Variants in NCKAP1L observed in about 807,000 individuals in gnomAD.
NCKAP1L encodes the protein nck-associated protein 1-like.
In NCKAP1L, 53 loss-of-function variants were observed where a neutral mutation model predicts 139.2. The ratio of observed to expected loss-of-function variants is 0.38; its 90% CI spans 0.31 to 0.48. The LOEUF (loss-of-function observed/expected upper bound fraction) is 0.48. Among genes scored for constraint, NCKAP1L ranks in the 20% least tolerant of loss-of-function variants. The pLI, the probability that NCKAP1L is intolerant of heterozygous loss-of-function variation, is 0.98. For missense variants in NCKAP1L, 1,151 were observed against 1,381.9 expected, an observed-to-expected ratio of 0.83 and a Z score of 2.65; for synonymous variants, 468 against 499.7, an observed-to-expected ratio of 0.94 and a Z score of 0.85.
At position 54,518,974 on chromosome 12, in the gene NCKAP1L, T is replaced by TAATG. The variant is rs987402591; in HGVS notation, c.1479+4_1479+7dup. On this transcript the variant is annotated splice_region_variant and intron_variant, in intron 15 of 30. Coordinates refer to ENST00000293373, the MANE Select transcript of NCKAP1L (RefSeq NM_005337.5). ...AGGCTGGACTGGTTCCGCCTACAGGTAATGATCTGTTCCTGTTAAAGATTC... is the reference window on the plus strand; with the variant it reads ...AGGCTGGACTGGTTCCGCCTACAGGTAATGAATGATCTGTTCCTGTTAAAGATTC... 1 of 1,611,550 alleles carries TAATG rather than the reference T, an allele frequency of 6.2e-7. No individual in the cohort carries two copies. Among genetic ancestry groups the TAATG allele is most frequent in the African/African-American group, 1.3e-5 (1 of 74,986 alleles).
Position 54,516,162 on chromosome 12 carries a change from T to A in NCKAP1L, c.942-77T>A. The A allele has an allele frequency of 2.0e-6, 3 of 1,499,196 alleles. No homozygotes were observed. The South Asian group carries it at 3.4e-5, about 17-fold the overall frequency. The allele number at this position is 1,499,196 out of a possible 1,614,324, so 92.9% of individuals were successfully genotyped here. A position where few individuals can be genotyped will look rare whatever the true frequency, so the allele number is the denominator to read the frequency against. ...TCCCACCAGGGTATAGGCTGGACTCTCTGAGGACTGGGAAGGTGAGGCAAG... is the reference window on the plus strand; with the variant it reads ...TCCCACCAGGGTATAGGCTGGACTCACTGAGGACTGGGAAGGTGAGGCAAG... On this transcript the variant is annotated intron_variant, in intron 9 of 30. Transcript: ENST00000293373.
At chr12:54,528,175 G>A (rs1438655079) in intron 21 of NCKAP1L, 72 bp from the exon 22 acceptor site, 8 of 1,549,710 alleles carry the variant, frequency 5.2e-6, no homozygotes, top group Non-Finnish European at 6.1e-6. Context: ...TGAGCTCAGT[G>A]GTAGTAGTAG....
intron 5 of NCKAP1L, 137 bp downstream of exon 5, chr12:54,508,668 G>A (rs1268187081): frequency 2.3e-6 from 2 of 882,772 alleles, no homozygotes; most frequent in East Asian, 2.5e-5. Flanking sequence ...GGCAAAATAA[G>A]GTACACTTTT....
intron 30 of NCKAP1L, among the ~76,000 whole-genome samples, chr12:54,541,456 G>A (rs1047539486): frequency 4.6e-5 from 7 of 152,182 alleles, no homozygotes; most frequent in Admixed American, 1.3e-4. Flanking sequence ...GCACCTTGGA[G>A]AAGACAGCTC....
intron 15 of NCKAP1L, 97 bp downstream of exon 15, chr12:54,519,069 G>A: frequency 6.4e-7 from 1 of 1,554,698 alleles, no homozygotes; most frequent in East Asian, 2.3e-5. Flanking sequence ...TATGGAGTGA[G>A]TCAACTTTGA....
intron 11 of NCKAP1L, among the ~76,000 whole-genome samples, 158 bp downstream of exon 11, chr12:54,517,150 T>A (rs1956939895): frequency 6.6e-6 from 1 of 152,222 alleles, no homozygotes; most frequent in African/African-American, 2.4e-5. Context: ...CCCAAAACCT[T>A]TTGTATCTCT....
chr12:54,504,874 C>T (rs118076193), intron 3 of NCKAP1L, among the ~76,000 whole-genome samples: 1,780 of 152,312 alleles, frequency 0.012, 14 homozygotes, highest in Middle Eastern at 0.02. Context: ...ATTTCCGTTC[C>T]CTTCTGATTC....
Position 54,512,122 on chromosome 12 carries a change from C to T in NCKAP1L, c.941+17C>T, listed in dbSNP as rs1173971779. 4 of 1,612,190 alleles carry T rather than the reference C, an allele frequency of 2.5e-6. No individual in the cohort carries two copies. In the South Asian group the frequency reaches 4.4e-5, roughly 18 times the overall value. On this transcript the variant is annotated intron_variant, in intron 9 of 30. Coordinates refer to ENST00000293373, the MANE Select transcript of NCKAP1L (RefSeq NM_005337.5). The stretch of plus-strand genomic sequence containing the variant: ...TTTGAAAGGGTGAGAGACACGAGAG[C>T]CAAACTGATCTTCCTTGAATAGTTT...
rs773675331 is a variant in NCKAP1L at position 54,507,876 on chromosome 12, C to T, written c.330C>T (p.Asn110=). 2.5e-6 allele frequency: 4 copies of T among 1,613,958 alleles called. No homozygotes were observed. The highest frequency in any genetic ancestry group is 4.5e-5 in the East Asian group (2 of 44,882). ...AGGATCATGTATATGAACTTCTCAACACCATTGATGCCTGCCAGTGCCATT... is the reference window on the plus strand; with the variant it reads ...AGGATCATGTATATGAACTTCTCAATACCATTGATGCCTGCCAGTGCCATT... ...EFRDHVYELL[N]TIDACQCHFD... is the part of the protein sequence containing the mutation. The change falls in exon 4 of 31, where the codon AAC becomes AAT. Residue 110 remains asparagine, a synonymous_variant. Coordinates refer to ENST00000293373, the MANE Select transcript of NCKAP1L (RefSeq NM_005337.5).
chr12:54,517,622 A>G lies in NCKAP1L; in HGVS notation c.1185A>G (p.Thr395=), dbSNP rs1956944359. 1 of 1,613,298 alleles carries G rather than the reference A, an allele frequency of 6.2e-7. No individual in the cohort carries two copies. Among genetic ancestry groups the G allele is most frequent in the East Asian group, 2.2e-5 (1 of 44,882 alleles). Residue 395 remains threonine (T), a synonymous_variant, in exon 12 of 31, where the codon ACA becomes ACG. Transcript: ENST00000293373. ...CAGAGAATGTCACCAAGACAAAGAC[A>G]CCTGAGGACTATGCTGACTCGTTAG... ...RHTENVTKTK[T]PEDYADSSIA... is the part of the protein sequence containing the mutation.
rs1957179426 is a variant in NCKAP1L, at chr12:54,543,978, T to C, written c.*1293T>C. 2 of 152,354 alleles carry C rather than the reference T, an allele frequency of 1.3e-5. No homozygotes were observed. The highest frequency in any genetic ancestry group is 3.4e-3 in the Middle Eastern group (1 of 294). The allele number at this position is 152,354 out of a possible 1,614,324, so 9.4% of individuals were successfully genotyped here. On this transcript the variant is annotated 3_prime_UTR_variant, in exon 31 of 31. Transcript: ENST00000293373. The stretch of plus-strand genomic sequence containing the variant: ...GTTTTCAGCAAAAACGATTCAGCCT[T>C]CCTGAAGCCTATTTGATAGCTGTTT...
At chr12:54,515,484 G>A (rs1184073131) in intron 9 of NCKAP1L, among the ~76,000 whole-genome samples, 2 of 152,164 alleles carry the variant, frequency 1.3e-5, no homozygotes, top group Non-Finnish European at 2.9e-5. Context: ...CAATGAAAAG[G>A]CCTTCTAATT....
rs556925158 is a variant in NCKAP1L at position 54,535,269 on chromosome 12, A to G, written c.2956+72A>G. ...CCTTATTTTGGGTGAAAAAATGTCA[A>G]TGTCAAAGAAGCCTTTATTTGAGAT... On this transcript the variant is annotated intron_variant, in intron 27 of 30. Coordinates refer to ENST00000293373, the MANE Select transcript of NCKAP1L (RefSeq NM_005337.5). The G allele has an allele frequency of 3.4e-4, 385 of 1,134,294 alleles. 5 individuals are homozygous for G. The South Asian group carries it at 4.5e-3, about 13-fold the overall frequency. The allele number at this position is 1,134,294 out of a possible 1,614,324, so 70.3% of individuals were successfully genotyped here.
At chr12:54,531,184 A>G in intron 22 of NCKAP1L, 76 bp from the exon 23 acceptor site, 1 of 1,118,042 alleles carries the variant, frequency 8.9e-7, no homozygotes, top group Non-Finnish European at 1.3e-6. Flanking sequence ...TAAATATTCA[A>G]ATTACCCTAT....
Position 54,523,846 on chromosome 12 carries a change from C to T in NCKAP1L, c.2046C>T (p.Asn682=), listed in dbSNP as rs1362214652. 2 of 1,614,040 alleles carry T rather than the reference C, an allele frequency of 1.2e-6. No homozygotes were observed. Among genetic ancestry groups the T allele is most frequent in the Admixed American group, 1.7e-5 (1 of 60,012 alleles). Residue 682 remains asparagine (N), a synonymous_variant, in exon 20 of 31, where the codon AAC becomes AAT. Coordinates refer to ENST00000293373, the MANE Select transcript of NCKAP1L (RefSeq NM_005337.5). ...IVTNMDKLHL[N]LTELALTMNH... Reference sequence around the variant, plus strand: ...CTAGCATGGACAAGCTACACCTAAACTTGACAGAACTGGCACTGACAATGA... The same window carrying T: ...CTAGCATGGACAAGCTACACCTAAATTTGACAGAACTGGCACTGACAATGA...
intron 21 of NCKAP1L, among the ~76,000 whole-genome samples, 194 bp from the exon 22 acceptor site, chr12:54,528,053 C>G (rs1276690218): frequency 6.6e-6 from 1 of 152,150 alleles, no homozygotes; most frequent in Non-Finnish European, 1.5e-5. Context: ...AAGTGGAATT[C>G]CAGTACTGCC....
chr12:54,499,512 G>C (rs1421311097), intron 2 of NCKAP1L, 47 bp downstream of exon 2: 3 of 1,125,112 alleles, frequency 2.7e-6, no homozygotes, highest in South Asian at 1.2e-5. Context: ...TTCTCTGCTT[G>C]AATGGCTGAA....
rs1260011490 is a variant in NCKAP1L, at chr12:54,500,618, A to C, written c.299A>C (p.Glu100Ala). The C allele has an allele frequency of 6.2e-7, 1 of 1,608,494 alleles. No homozygotes were observed. Among genetic ancestry groups the C allele is most frequent in the Non-Finnish European group, 8.5e-7 (1 of 1,174,982 alleles). Reference sequence around the variant, plus strand: ...TACCAGTCATTTGTGGATGTCATGGAATTTCGGGTGAGCTCTCTTGAGCCG... The same window carrying C: ...TACCAGTCATTTGTGGATGTCATGGCATTTCGGGTGAGCTCTCTTGAGCCG... ...NYYQSFVDVM[E>A]FRDHVYELLN... Residue 100 changes from glutamate to alanine, a missense_variant, in exon 3 of 31, where the codon GAA (glutamate) becomes GCA (alanine). Coordinates refer to ENST00000293373, the MANE Select transcript of NCKAP1L (RefSeq NM_005337.5).
chr12:54,529,773 G>A (rs1957053137), intron 22 of NCKAP1L, among the ~76,000 whole-genome samples: 1 of 152,112 alleles, frequency 6.6e-6, no homozygotes, highest in African/African-American at 2.4e-5. Context: ...ATTTCCCTTG[G>A]TTGCCATAGT....
Sources: gnomAD v4.1 joint callset for allele counts (sites outside exome capture counted in the v4.1 genomes callset) on GRCh38, gnomAD v4.1.1 for gene constraint, MANE v1.5 for transcripts, NCBI Gene and HGNC (gene_info 2026-07-23, HGNC 2026-07-21) for gene names.